Variants in RPL24 observed in about 807,000 individuals in gnomAD.
RPL24 encodes large ribosomal subunit protein eL24.
In RPL24, 7 loss-of-function variants were observed where a neutral mutation model predicts 26.4. That is an observed-to-expected ratio of 0.27 (90% CI 0.15 to 0.50). The LOEUF (loss-of-function observed/expected upper bound fraction) is 0.50, where lower values mean the gene tolerates loss of function less well. RPL24 is among the 20% of genes least tolerant of loss of function. RPL24 has a pLI of 0.98. For missense variants in RPL24, 109 were observed against 194.9 expected, an observed-to-expected ratio of 0.56 and a Z score of 2.62; for synonymous variants, 67 against 65.2, an observed-to-expected ratio of 1.03 and a Z score of -0.13.
At chr3:101,682,569 C>A in intron 4 of RPL24, 77 bp from the exon 5 acceptor site, 1 of 1,274,158 alleles carries the variant, frequency 7.8e-7, no homozygotes, top group Non-Finnish European at 1.1e-6. Context: ...TTAGACTGTA[C>A]TGGACAAGTA....
chr3:101,685,995 G>A, intron 2 of RPL24, 67 bp from the exon 3 acceptor site: 3 of 1,049,040 alleles, frequency 2.9e-6, no homozygotes, highest in Non-Finnish European at 4.5e-6. Context: ...AGTAAGCTTG[G>A]AATCCTTAGA....
Position 101,685,602 on chromosome 3 carries a change from G to A in RPL24, c.192+216C>T, listed in dbSNP as rs78808297. Among the ~76,000 whole-genome samples, 66 of 152,282 alleles carry A rather than the reference G, an allele frequency of 4.3e-4. No homozygotes were observed. The East Asian group carries it at 0.011, about 26-fold the overall frequency. ...GCCCTATAACGCAAAGGTGCTTAAC[G>A]TAATTTATCTGACTTTAAAATTTCA... On this transcript the variant is annotated intron_variant, in intron 3 of 5. Transcript: ENST00000394077.
intron 2 of RPL24, 92 bp downstream of exon 2, chr3:101,686,390 T>C: frequency 1.9e-6 from 2 of 1,041,932 alleles, no homozygotes; most frequent in East Asian, 2.6e-5. Flanking sequence ...AGGCCAGTGG[T>C]GATGTGGGGA....
At chr3:101,686,433 T>C (rs200383065) in intron 2 of RPL24, 49 bp downstream of exon 2, 14 of 1,548,012 alleles carry the variant, frequency 9.0e-6, no homozygotes, top group East Asian at 4.6e-5. Context: ...AAACCAGCCT[T>C]TCCTCCTCGG....
chr3:101,685,807 A>T lies in RPL24; in HGVS notation c.192+11T>A, dbSNP rs754628627. 1.5e-5 allele frequency: 22 copies of T among 1,497,344 alleles called. No homozygotes were observed. Among genetic ancestry groups the T allele is most frequent in the Non-Finnish European group, 2.0e-5 (21 of 1,076,834 alleles). The allele number at this position is 1,497,344 out of a possible 1,614,324, so 92.8% of individuals were successfully genotyped here. A position where few individuals can be genotyped will look rare whatever the true frequency, so the allele number is the denominator to read the frequency against. On this transcript the variant is annotated intron_variant, in intron 3 of 5. Coordinates refer to ENST00000394077, the MANE Select transcript of RPL24 (RefSeq NM_000986.4). ...GAGATAGCCCCCAACATCAAGGCGT[A>T]TTCCACTTACCGACTGTCCCTTTTT...
At chr3:101,684,149 G>A (rs1937299215) in intron 3 of RPL24, among the ~76,000 whole-genome samples, 1 of 149,824 alleles carries the variant, frequency 6.7e-6, no homozygotes, top group African/African-American at 2.5e-5. Flanking sequence ...GTGAGGCACT[G>A]CACTAGGCCC....
intron 3 of RPL24, 90 bp from the exon 4 acceptor site, chr3:101,682,997 G>T: frequency 8.6e-7 from 1 of 1,166,994 alleles, no homozygotes; most frequent in Non-Finnish European, 1.2e-6. Context: ...CAGGGCAAAT[G>T]AAGTATTTTA....
At chr3:101,684,981 A>G (rs554567201) in intron 3 of RPL24, among the ~76,000 whole-genome samples, 3 of 151,684 alleles carry the variant, frequency 2.0e-5, no homozygotes, top group Non-Finnish European at 4.4e-5. Flanking sequence ...CGGATTTGCT[A>G]TGACACTGAT....
rs777076660 is a variant in RPL24 at position 101,685,851 on chromosome 3, G to C, written c.159C>G (p.Val53=). The change falls in exon 3 of 6, where the codon GTC becomes GTG. Residue 53 remains valine, a synonymous_variant. Transcript: ENST00000394077. ...KRNPRQINWT[V]LYRRKHKKGQ... Reference sequence around the variant, plus strand: ...CCTTTTTGTGCTTCCTTCTGTAGAGGACAGTCCAGTTTATCTGCCGAGGAT... The same window carrying C: ...CCTTTTTGTGCTTCCTTCTGTAGAGCACAGTCCAGTTTATCTGCCGAGGAT... 1.2e-6 allele frequency: 2 copies of C among 1,613,094 alleles called. No individual in the cohort carries two copies. Among genetic ancestry groups the C allele is most frequent in the African/African-American group, 2.7e-5 (2 of 74,902 alleles).
At chr3:101,682,643 CAAT>C in intron 4 of RPL24, 125 bp downstream of exon 4, 1 of 1,206,580 alleles carries the variant, frequency 8.3e-7, no homozygotes. Flanking sequence ...AAGAATTTGT[CAAT>C]AATTTTCATT....
Position 101,685,936 on chromosome 3 carries a change from G to A in RPL24, c.82-8C>T, listed in dbSNP as rs757926524. ...ATTAAGAAACTGGAAAACCTAGAGT[G>A]ACAAATGCAAAGGAATTACTATTTA... On this transcript the variant is annotated splice_polypyrimidine_tract_variant and splice_region_variant and intron_variant, in intron 2 of 5. Transcript: ENST00000394077. The A allele has an allele frequency of 1.9e-6, 3 of 1,561,088 alleles. No individual in the cohort carries two copies. Among genetic ancestry groups the A allele is most frequent in the African/African-American group, 1.4e-5 (1 of 73,828 alleles).
chr3:101,683,710 T>TC lies in RPL24; in HGVS notation c.193-804_193-803insG, dbSNP rs373611553. 3.9e-3 allele frequency among the ~76,000 whole-genome samples: 589 copies of TC among 150,092 alleles called. 4 individuals carry two copies. Among genetic ancestry groups the TC allele is most frequent in the African/African-American group, 0.013 (518 of 41,034 alleles). ...TTAACCTTTTGGTTTTTCTTTTCTT[T>TC]TTTTTTTTTTTTTTTAAAGACTCAG... On this transcript the variant is annotated intron_variant, in intron 3 of 5. Coordinates refer to ENST00000394077, the MANE Select transcript of RPL24 (RefSeq NM_000986.4).
chr3:101,681,244 A>T (rs1238251029), intron 5 of RPL24, 29 bp from the exon 6 acceptor site: 2 of 1,538,002 alleles, frequency 1.3e-6, no homozygotes, highest in South Asian at 1.1e-5. Flanking sequence ...ATATTACTCC[A>T]CAAAACTTTT....
In RPL24 at chr3:101,685,804, C is replaced by T; in HGVS notation, c.192+14G>A. On this transcript the variant is annotated intron_variant, in intron 3 of 5. Coordinates refer to ENST00000394077, the MANE Select transcript of RPL24 (RefSeq NM_000986.4). Reference sequence around the variant, plus strand: ...TAAGAGATAGCCCCCAACATCAAGGCGTATTCCACTTACCGACTGTCCCTT... The same window carrying T: ...TAAGAGATAGCCCCCAACATCAAGGTGTATTCCACTTACCGACTGTCCCTT... 3.5e-6 allele frequency: 5 copies of T among 1,438,000 alleles called. No homozygotes were observed. Among genetic ancestry groups the T allele is most frequent in the Non-Finnish European group, 4.9e-6 (5 of 1,023,932 alleles). The allele number at this position is 1,438,000 out of a possible 1,614,324, so 89.1% of individuals were successfully genotyped here.
intron 5 of RPL24, 139 bp downstream of exon 5, chr3:101,682,290 C>T (rs41273609): frequency 0.015 from 10,699 of 708,380 alleles, 92 homozygotes; most frequent in Non-Finnish European, 0.019. Context: ...CACTTGAACC[C>T]GGGAGGCAGA....
intron 3 of RPL24, among the ~76,000 whole-genome samples, chr3:101,684,986 A>G (rs773932774): frequency 9.2e-5 from 14 of 151,664 alleles, no homozygotes; most frequent in Non-Finnish European, 1.8e-4. Flanking sequence ...TTGCTATGAC[A>G]CTGATATACA....
chr3:101,686,470 G>A lies in RPL24; in HGVS notation c.81+12C>T, dbSNP rs780500735. 8.1e-6 allele frequency: 13 copies of A among 1,612,208 alleles called. No individual in the cohort carries two copies. Among genetic ancestry groups the A allele is most frequent in the Non-Finnish European group, 1.1e-5 (13 of 1,178,950 alleles). Reference sequence around the variant, plus strand: ...GTACAAGAAGGTAGGTGAAGCCGACGCGGCTTTTTACCTTCCCGTCGGTCC... The same window carrying A: ...GTACAAGAAGGTAGGTGAAGCCGACACGGCTTTTTACCTTCCCGTCGGTCC... On this transcript the variant is annotated intron_variant, in intron 2 of 5. Coordinates refer to ENST00000394077, the MANE Select transcript of RPL24 (RefSeq NM_000986.4).
At chr3:101,683,058 T>G in intron 3 of RPL24, 151 bp from the exon 4 acceptor site, 15 of 752,410 alleles carry the variant, frequency 2.0e-5, no homozygotes, top group East Asian at 5.6e-5. Context: ...AAAACATGTT[T>G]TCCCTTATGG....
At chr3:101,684,139 G>A (rs372419744) in intron 3 of RPL24, among the ~76,000 whole-genome samples, 15 of 149,922 alleles carry the variant, frequency 1.0e-4, no homozygotes, top group African/African-American at 3.2e-4. Context: ...AATTACAGGC[G>A]TGAGGCACTG....
Sources: allele counts gnomAD v4.1 joint callset (sites outside exome capture counted in the v4.1 genomes callset), GRCh38; gene constraint gnomAD v4.1.1; transcripts MANE v1.5; gene names NCBI Gene and HGNC (gene_info 2026-07-23, HGNC 2026-07-21).